The following NEDD4L variants were observed in gnomAD, a reference collection of about 807,000 sequenced individuals.
NEDD4L encodes the protein E3 ubiquitin-protein ligase NEDD4-like.
A neutral mutation model predicts 148.9 loss-of-function variants in NEDD4L; 54 were observed. The observed-to-expected ratio is 0.36, with a 90% confidence interval of 0.29 to 0.45. The LOEUF (loss-of-function observed/expected upper bound fraction) is 0.45. Ranked by LOEUF, NEDD4L falls within the 20% of genes least tolerant of loss-of-function variation. The probability of loss-of-function intolerance (pLI) is 1.00; values close to 1 mark genes in which losing one functional copy is unlikely to be tolerated. For missense variants in NEDD4L, 856 were observed against 1,233.8 expected (o/e 0.69, Z 4.59); for synonymous variants, 433 against 440.7 (o/e 0.98, Z 0.22).
At chr18:58,386,935 C>T (rs2049110824) in intron 26 of NEDD4L, among the ~76,000 whole-genome samples, 1 of 152,332 alleles carries the variant, frequency 6.6e-6, no homozygotes, top group East Asian at 1.9e-4. Flanking sequence ...GCGTTCGCAG[C>T]GCGCAGGGCC....
chr18:58,104,567 G>A (rs1787773), intron 1 of NEDD4L, among the ~76,000 whole-genome samples: 28,277 of 152,074 alleles, frequency 0.19, 5,864 homozygotes, highest in African/African-American at 0.52. Flanking sequence ...TAAGTTATGC[G>A]ACAAAAAGAT....
At chr18:58,273,525 C>T (rs764824200) in intron 5 of NEDD4L, among the ~76,000 whole-genome samples, 3 of 152,186 alleles carry the variant, frequency 2.0e-5, no homozygotes, top group Non-Finnish European at 4.4e-5. Context: ...TGTGTGAGGG[C>T]TTGCAGACTT....
chr18:58,045,318 G>A (rs2144340445), intron 1 of NEDD4L: 3 of 395,620 alleles, frequency 7.6e-6, no homozygotes, highest in Admixed American at 8.8e-5. Context: ...AGGTGTTCAA[G>A]GCTGGTGGCA....
intron 5 of NEDD4L, among the ~76,000 whole-genome samples, chr18:58,267,871 T>C (rs2050441512): frequency 6.6e-6 from 1 of 152,046 alleles, no homozygotes; most frequent in Non-Finnish European, 1.5e-5. Flanking sequence ...AATAGCTCAT[T>C]TATCCTGCAA....
rs370975040 is a variant in NEDD4L, at chr18:58,091,062, C to T, written c.48+46354C>T. On this transcript the variant is annotated intron_variant, in intron 1 of 30. Coordinates refer to ENST00000400345, the MANE Select transcript of NEDD4L (RefSeq NM_001144967.3). ...AGTAACAGAGATTAAAATGTCCTTC[C>T]TTAATTTGAGGTGAAATCTGCCTTC... The T allele has an allele frequency of 6.6e-5, 10 of 152,300 alleles. No individual in the cohort carries two copies. The East Asian group carries it at 1.2e-3, about 18-fold the overall frequency. The allele number at this position is 152,300 out of a possible 1,614,324, so 9.4% of individuals were successfully genotyped here.
intron 1 of NEDD4L, among the ~76,000 whole-genome samples, chr18:58,161,833 G>A (rs2036254870): frequency 6.6e-6 from 1 of 152,138 alleles, no homozygotes; most frequent in Non-Finnish European, 1.5e-5. Flanking sequence ...TGAGTGGGAG[G>A]GGCTTATGGG....
chr18:58,108,652 C>A (rs1315561842), intron 1 of NEDD4L, among the ~76,000 whole-genome samples: 1 of 152,190 alleles, frequency 6.6e-6, no homozygotes, highest in Non-Finnish European at 1.5e-5. Flanking sequence ...AACTCCTGAG[C>A]TCAGGTGATC....
chr18:58,391,772 C>A (rs1434632840), intron 30 of NEDD4L, among the ~76,000 whole-genome samples: 1 of 152,224 alleles, frequency 6.6e-6, no homozygotes, highest in Non-Finnish European at 1.5e-5. Flanking sequence ...GCTCAGGCCT[C>A]CCTGCTGTGG....
At chr18:58,302,452 G>C (rs1024858523) in intron 5 of NEDD4L, among the ~76,000 whole-genome samples, 2 of 152,082 alleles carry the variant, frequency 1.3e-5, no homozygotes, top group Non-Finnish European at 2.9e-5. Flanking sequence ...AATAGAACAG[G>C]GTTTCTCAAA....
At chr18:58,376,405 T>C (rs532878297) in intron 24 of NEDD4L, among the ~76,000 whole-genome samples, 35 of 152,350 alleles carry the variant, frequency 2.3e-4, no homozygotes, top group African/African-American at 7.0e-4. Context: ...GTTTGTTGAA[T>C]TACTGCCTTG....
intron 5 of NEDD4L, among the ~76,000 whole-genome samples, chr18:58,285,487 C>A (rs2053765250): frequency 6.6e-6 from 1 of 152,116 alleles, no homozygotes. Flanking sequence ...TGCTACCATA[C>A]AGAATTCAGA....
At chr18:58,253,342 T>TGATTAG (rs2048143847) in intron 5 of NEDD4L, among the ~76,000 whole-genome samples, 1 of 152,256 alleles carries the variant, frequency 6.6e-6, no homozygotes, top group East Asian at 1.9e-4. Context: ...GAATCTCATA[T>TGATTAG]GATTAGTATT....
rs996078713 is a variant in NEDD4L at position 58,398,388 on chromosome 18, G to A, written c.*2119G>A. On this transcript the variant is annotated 3_prime_UTR_variant, in exon 31 of 31. Transcript: ENST00000400345. ...TTGAGAGTAATTGTGTAATTGTAGA[G>A]GGAGAAATCCAATTCTAACCTAAGA... The A allele has an allele frequency of 3.3e-5, 5 of 151,888 alleles. No homozygotes were observed. The highest frequency in any genetic ancestry group is 2.6e-4 in the Admixed American group (4 of 15,238). 9.4% of individuals were successfully genotyped at this position (151,888 alleles called of 1,614,324 possible).
rs993500491 is a variant in NEDD4L, at chr18:58,180,194, C to T, written c.122+14333C>T. Among the ~76,000 whole-genome samples, 8 of 152,340 alleles carry T rather than the reference C, an allele frequency of 5.3e-5. 1 individual carries two copies. In the South Asian group the frequency reaches 8.3e-4, roughly 16 times the overall value. ...CTGCAACGCATCCCTCTCCGAGCCG[C>T]GGTGCGCTCTTCCTCCTCTGTGCCT... On this transcript the variant is annotated intron_variant, in intron 2 of 30. Coordinates refer to ENST00000400345, the MANE Select transcript of NEDD4L (RefSeq NM_001144967.3).
chr18:58,234,500 T>C (rs1163009401), intron 2 of NEDD4L, among the ~76,000 whole-genome samples: 1 of 151,380 alleles, frequency 6.6e-6, no homozygotes, highest in Non-Finnish European at 1.5e-5. Flanking sequence ...CCTGGCTAAG[T>C]TTAAAAAAAA....
At chr18:58,066,979 C>A (rs1280381376) in intron 1 of NEDD4L, among the ~76,000 whole-genome samples, 1 of 152,132 alleles carries the variant, frequency 6.6e-6, no homozygotes, top group African/African-American at 2.4e-5. Context: ...CAAATCTAAA[C>A]CATATAACCC....
In NEDD4L at chr18:58,389,194, T is replaced by C. The variant is rs2049450332; in HGVS notation, c.2655+2T>C. On this transcript the variant is annotated splice_donor_variant, in intron 28 of 30. Coordinates refer to ENST00000400345, the MANE Select transcript of NEDD4L (RefSeq NM_001144967.3). LOFTEE classifies it high-confidence loss of function. ...CCCGTCATTCAGTGGTTCTGGAAGG[T>C]AACTCCGGGGCCCAGCCCCAGCCGG... 6.2e-7 allele frequency: 1 copy of C among 1,609,688 alleles called. No homozygotes were observed. The highest frequency in any genetic ancestry group is 1.3e-5 in the African/African-American group (1 of 74,862).
intron 6 of NEDD4L, 123 bp from the exon 7 acceptor site, chr18:58,322,301 GA>G: frequency 1.4e-6 from 1 of 724,948 alleles, no homozygotes; most frequent in South Asian, 1.7e-5. Context: ...ACCAAGTGAA[GA>G]AACACATTCA....
chr18:58,186,868 G>A (rs574785974), intron 2 of NEDD4L, among the ~76,000 whole-genome samples: 38 of 152,320 alleles, frequency 2.5e-4, no homozygotes, highest in Non-Finnish European at 4.7e-4. Context: ...AGCTCCTCAG[G>A]TGATTGGAAT....
Sources: gnomAD v4.1 joint callset for allele counts (sites outside exome capture counted in the v4.1 genomes callset) on GRCh38, gnomAD v4.1.1 for gene constraint, MANE v1.5 for transcripts, NCBI Gene and HGNC (gene_info 2026-07-23, HGNC 2026-07-21) for gene names.